Variants in MAD1L1 observed in about 807,000 individuals in gnomAD.
MAD1L1 encodes the protein mitotic arrest deficient 1 like 1.
MAD1L1 carries 95 observed loss-of-function variants against 96.9 expected under a neutral mutation model. That is an observed-to-expected ratio of 0.98 (90% confidence interval 0.83 to 1.16). The LOEUF (loss-of-function observed/expected upper bound fraction) is 1.16, where lower values mean the gene tolerates loss of function less well. Ranked by LOEUF, MAD1L1 falls within the 50% of genes most tolerant of loss-of-function variation. The pLI is 0.00. For missense variants in MAD1L1, 1,007 were observed against 954.4 expected (o/e 1.06, Z -0.73); for synonymous variants, 473 against 396.6 (o/e 1.19, Z -2.29).
At chr7:1,971,612 C>A (rs1780410559) in intron 15 of MAD1L1, among the ~76,000 whole-genome samples, 2 of 152,156 alleles carry the variant, frequency 1.3e-5, no homozygotes, top group Admixed American at 6.5e-5. Context: ...AACACGTGCA[C>A]TTAAGTGTAA....
chr7:1,863,368 G>A (rs1027822177), intron 18 of MAD1L1, among the ~76,000 whole-genome samples: 2 of 152,260 alleles, frequency 1.3e-5, no homozygotes, highest in African/African-American at 4.8e-5. Flanking sequence ...GCAGCTACCG[G>A]CAGGCCCGGG....
chr7:1,932,378 C>T (rs981540201), intron 17 of MAD1L1, among the ~76,000 whole-genome samples: 11 of 152,242 alleles, frequency 7.2e-5, no homozygotes, highest in Non-Finnish European at 2.9e-5. Flanking sequence ...CTGGTTTACT[C>T]CCTCATCCTT....
intron 4 of MAD1L1, among the ~76,000 whole-genome samples, chr7:2,224,658 G>A (rs541998352): frequency 6.6e-6 from 1 of 152,336 alleles, no homozygotes; most frequent in African/African-American, 2.4e-5. Flanking sequence ...AGGCCAGGGA[G>A]ACTTTCCGCC....
At chr7:2,214,090 T>G (rs963321350) in intron 9 of MAD1L1, among the ~76,000 whole-genome samples, 13 of 152,234 alleles carry the variant, frequency 8.5e-5, no homozygotes, top group Non-Finnish European at 1.9e-4. Flanking sequence ...CGCCAGGCAC[T>G]GCTCTGAGCA....
At chr7:2,057,026 T>C (rs564845570) in intron 12 of MAD1L1, among the ~76,000 whole-genome samples, 2 of 152,254 alleles carry the variant, frequency 1.3e-5, no homozygotes, top group African/African-American at 4.8e-5. Context: ...CAAGGGCGCC[T>C]GTTCACCGGC....
At chr7:2,129,242 A>G (rs1788390851) in intron 11 of MAD1L1, among the ~76,000 whole-genome samples, 1 of 152,208 alleles carries the variant, frequency 6.6e-6, no homozygotes, top group South Asian at 2.1e-4. Flanking sequence ...GGCCAACACC[A>G]GGCAGGCCAG....
intron 12 of MAD1L1, among the ~76,000 whole-genome samples, chr7:2,028,424 CAAAAAAAAAA>C (rs56189973): frequency 1.2e-5 from 1 of 86,170 alleles, no homozygotes; most frequent in Non-Finnish European, 2.5e-5. Context: ...GACTCCATCT[CAAAAAAAAAA>C]AAAAAAAAAA....
intron 12 of MAD1L1, 49 bp from the exon 13 acceptor site, chr7:2,014,691 T>C: frequency 6.4e-7 from 1 of 1,554,324 alleles, no homozygotes; most frequent in Non-Finnish European, 8.7e-7. Context: ...GGGGATGAGG[T>C]AATGATGGAG....
intron 11 of MAD1L1, among the ~76,000 whole-genome samples, chr7:2,096,314 G>A (rs780857080): frequency 1.1e-4 from 17 of 152,230 alleles, no homozygotes; most frequent in Non-Finnish European, 1.6e-4. Context: ...GTCCTCCGGC[G>A]CAAAGAGCTG....
chr7:2,191,851 T>G (rs1028633872), intron 10 of MAD1L1, among the ~76,000 whole-genome samples: 6 of 152,002 alleles, frequency 3.9e-5, no homozygotes, highest in Non-Finnish European at 8.8e-5. Flanking sequence ...GCCAACATGG[T>G]GAAACTTCGT....
intron 12 of MAD1L1, among the ~76,000 whole-genome samples, chr7:2,033,644 C>T (rs879924947): frequency 2.0e-5 from 3 of 152,246 alleles, no homozygotes; most frequent in African/African-American, 7.2e-5. Flanking sequence ...ACCCGTTCCT[C>T]ACCTGGAGTG....
intron 18 of MAD1L1, among the ~76,000 whole-genome samples, chr7:1,887,861 A>ATG (rs1554284097): frequency 1.5e-5 from 2 of 132,132 alleles, no homozygotes; most frequent in African/African-American, 5.8e-5. Context: ...GTGTGTGTGC[A>ATG]CGTGTGTGTG....
chr7:2,144,543 T>C (rs1319957687), intron 11 of MAD1L1, among the ~76,000 whole-genome samples: 1 of 151,928 alleles, frequency 6.6e-6, no homozygotes, highest in Non-Finnish European at 1.5e-5. Flanking sequence ...CCCCCCCAGA[T>C]CTGAAAGATG....
intron 18 of MAD1L1, among the ~76,000 whole-genome samples, chr7:1,830,594 A>G (rs1428333967): frequency 2.6e-5 from 4 of 152,210 alleles, no homozygotes; most frequent in Admixed American, 6.5e-5. Context: ...TATCATGTGC[A>G]TAAATAAAAT....
intron 11 of MAD1L1, among the ~76,000 whole-genome samples, chr7:2,101,557 G>T (rs71525359): frequency 1.1e-3 from 114 of 107,032 alleles, no homozygotes; most frequent in Middle Eastern, 0.015. Context: ...GTGGGTGGCA[G>T]GAGACTGGGG....
chr7:1,969,834 A>T (rs1414211677), intron 15 of MAD1L1, among the ~76,000 whole-genome samples: 5 of 152,238 alleles, frequency 3.3e-5, no homozygotes, highest in Admixed American at 2.6e-4. Flanking sequence ...TTTGTACCCT[A>T]AAAACTGCCA....
chr7:1,955,258 G>A (rs553468063), intron 16 of MAD1L1, among the ~76,000 whole-genome samples: 1 of 152,252 alleles, frequency 6.6e-6, no homozygotes, highest in Non-Finnish European at 1.5e-5. Context: ...GAGGGAGCGG[G>A]AGCAGGGAGA....
chr7:1,888,661 T>C (rs1409090176), intron 18 of MAD1L1, among the ~76,000 whole-genome samples: 1 of 151,540 alleles, frequency 6.6e-6, no homozygotes, highest in Non-Finnish European at 1.5e-5. Flanking sequence ...CGCGCATGTG[T>C]GTATGTGGCT....
At chr7:2,169,904 G>A (rs1584475772) in intron 10 of MAD1L1, among the ~76,000 whole-genome samples, 1 of 131,572 alleles carries the variant, frequency 7.6e-6, no homozygotes, top group Non-Finnish European at 1.7e-5. Flanking sequence ...AGGACTGAGA[G>A]CACAAAGGCC....
Sources: gnomAD v4.1 joint callset for allele counts (sites outside exome capture counted in the v4.1 genomes callset) on GRCh38, gnomAD v4.1.1 for gene constraint, MANE v1.5 for transcripts, NCBI Gene and HGNC (gene_info 2026-07-23, HGNC 2026-07-21) for gene names.